KCTD14: variants seen among roughly 807,000 people sequenced by gnomAD.
The protein encoded by KCTD14 is BTB/POZ domain-containing protein KCTD14.
Under a neutral mutation model 5.9 loss-of-function variants are expected in KCTD14, and 7 were observed. The ratio of observed to expected loss-of-function variants is 1.19; its 90% CI spans 0.68 to 2.23. KCTD14 has a LOEUF of 2.23. Among genes scored for constraint, KCTD14 ranks in the 30% most tolerant of loss-of-function variants. The probability of loss-of-function intolerance (pLI) is 0.00; values close to 1 mark genes in which losing one functional copy is unlikely to be tolerated. For missense variants in KCTD14, 342 were observed against 332.2 expected (o/e 1.03, Z -0.23); for synonymous variants, 140 against 133.1 (o/e 1.05, Z -0.36).
intron 1 of KCTD14, among the ~76,000 whole-genome samples, chr11:78,019,063 G>A (rs1453955343): frequency 1.4e-5 from 2 of 144,858 alleles, no homozygotes; most frequent in African/African-American, 5.2e-5. Context: ...TCGCTCAGTC[G>A]CCCAGGCTAG....
intron 2 of KCTD14, among the ~76,000 whole-genome samples, chr11:78,034,457 T>C (rs966224006): frequency 1.3e-5 from 2 of 148,826 alleles, no homozygotes; most frequent in African/African-American, 2.5e-5. Flanking sequence ...GTCTTAATCT[T>C]TCTCTCTCTC....
At chr11:78,037,631 C>T (rs1387227550) in intron 2 of KCTD14, among the ~76,000 whole-genome samples, 1 of 152,120 alleles carries the variant, frequency 6.6e-6, no homozygotes, top group African/African-American at 2.4e-5. Context: ...CCAGCCTGGC[C>T]AAAATGGTGA....
intron 1 of KCTD14, among the ~76,000 whole-genome samples, chr11:78,039,579 G>T (rs796392657): frequency 2.6e-5 from 4 of 151,776 alleles, no homozygotes; most frequent in African/African-American, 9.7e-5. Flanking sequence ...TGAGCCTGGG[G>T]CAACATGGTG....
chr11:78,043,622 G>C (rs1214374331), intron 1 of KCTD14, among the ~76,000 whole-genome samples: 1 of 152,202 alleles, frequency 6.6e-6, no homozygotes, highest in African/African-American at 2.4e-5. Context: ...AGCTCGTGGG[G>C]TGTCAGGGAA....
intron 1 of KCTD14, among the ~76,000 whole-genome samples, chr11:78,017,704 C>T (rs1157042364): frequency 6.6e-6 from 1 of 152,108 alleles, no homozygotes; most frequent in East Asian, 1.9e-4. Flanking sequence ...CTCAGCCTCC[C>T]ACAGTGCCCG....
Position 78,017,016 on chromosome 11 carries a change from G to C in KCTD14, c.345C>G (p.Ile115Met). The change falls in exon 2 of 2, where the codon ATC (isoleucine) becomes ATG (methionine). Residue 115 changes from isoleucine (I) to methionine (M), a missense_variant. Coordinates refer to ENST00000353172, the MANE Select transcript of KCTD14 (RefSeq NM_023930.4). ...CCTCCAGCAGCTTGACCAAAGGCTT[G>C]ATTTCGTAGAACTGAGCCTCACGGT... ...EVYREAQFYE[I>M]KPLVKLLEDM... The C allele has an allele frequency of 6.2e-7, 1 of 1,614,210 alleles. No individual in the cohort carries two copies. Among genetic ancestry groups the C allele is most frequent in the Non-Finnish European group, 8.5e-7 (1 of 1,180,048 alleles).
At chr11:78,039,002 G>A (rs992262957) in intron 1 of KCTD14, among the ~76,000 whole-genome samples, 3 of 151,774 alleles carry the variant, frequency 2.0e-5, no homozygotes, top group Non-Finnish European at 4.4e-5. Context: ...TAAAACTCAT[G>A]GGAATTTCCC....
rs141374262 is a variant in KCTD14 at position 78,016,668 on chromosome 11, C to T, written c.693G>A (p.Lys231=). The part of the protein sequence containing the change: ...IKAQGYKVFS[K]FYLTYPTKRN... ...TTTTGGTGGGGTACGTCAGGTAGAA[C>T]TTGGAGAATACCTTGTACCCCTGGG... The change falls in exon 2 of 2, where the codon AAG becomes AAA. Residue 231 remains lysine (K), a synonymous_variant. Transcript: ENST00000353172. 4 of 1,614,204 alleles carry T rather than the reference C, an allele frequency of 2.5e-6. No homozygotes were observed. Among genetic ancestry groups the T allele is most frequent in the Non-Finnish European group, 3.4e-6 (4 of 1,180,040 alleles).
At chr11:78,022,058 C>G (rs1297240744) in intron 1 of KCTD14, among the ~76,000 whole-genome samples, 2 of 152,204 alleles carry the variant, frequency 1.3e-5, no homozygotes, top group Non-Finnish European at 2.9e-5. Flanking sequence ...TCCTACACTA[C>G]TATACTTCCA....
intron 1 of KCTD14, among the ~76,000 whole-genome samples, chr11:78,017,813 G>A (rs1441082981): frequency 6.6e-6 from 1 of 152,074 alleles, no homozygotes; most frequent in Non-Finnish European, 1.5e-5. Flanking sequence ...GTTATGGGAG[G>A]AGGCCAGGCA....
At chr11:78,044,510 CA>C (rs1348489305) in intron 1 of KCTD14, among the ~76,000 whole-genome samples, 1 of 152,120 alleles carries the variant, frequency 6.6e-6, no homozygotes, top group African/African-American at 2.4e-5. Flanking sequence ...ACTGCACAGA[CA>C]AAACCAATTC....
At chr11:78,034,544 C>T (rs7482536) in intron 2 of KCTD14, among the ~76,000 whole-genome samples, 63,287 of 151,454 alleles carry the variant, frequency 0.42, 13,447 homozygotes, top group African/African-American at 0.52. Flanking sequence ...TTCTTTCTTT[C>T]TTTCAAGTCA....
upstream of KCTD14, among the ~76,000 whole-genome samples, chr11:78,026,377 A>G (rs941227951): frequency 1.3e-5 from 2 of 152,026 alleles, no homozygotes; most frequent in Non-Finnish European, 2.9e-5. Flanking sequence ...CGGGAGGCAG[A>G]GGTTGCAGCG....
intron 1 of KCTD14, among the ~76,000 whole-genome samples, chr11:78,039,801 C>G (rs1224185470): frequency 6.6e-6 from 1 of 151,944 alleles, no homozygotes; most frequent in Non-Finnish European, 1.5e-5. Context: ...ACGATTTCCC[C>G]CATATGAAGG....
At chr11:78,035,716 G>A (rs951874434) in intron 2 of KCTD14, among the ~76,000 whole-genome samples, 13 of 151,796 alleles carry the variant, frequency 8.6e-5, no homozygotes, top group Admixed American at 3.9e-4. Context: ...ATTGTGTTGC[G>A]CACCTGTAAT....
At chr11:78,032,703 CTTTT>C (rs35820886) in intron 2 of KCTD14, among the ~76,000 whole-genome samples, 2 of 123,548 alleles carry the variant, frequency 1.6e-5, no homozygotes. Flanking sequence ...TGATCTACTT[CTTTT>C]TTTTTTTTTT....
intron 2 of KCTD14, among the ~76,000 whole-genome samples, chr11:78,037,758 G>A (rs934545700): frequency 1.3e-5 from 2 of 152,088 alleles, no homozygotes; most frequent in Non-Finnish European, 2.9e-5. Flanking sequence ...GGCAGAGGTT[G>A]CAGTGAGCCA....
intron 1 of KCTD14, among the ~76,000 whole-genome samples, chr11:78,042,151 G>A (rs1425360424): frequency 6.6e-6 from 1 of 152,230 alleles, no homozygotes; most frequent in African/African-American, 2.4e-5. Flanking sequence ...GTCACAGGCT[G>A]ACTGTCTTTG....
At chr11:78,036,165 A>C (rs946967561) in intron 2 of KCTD14, among the ~76,000 whole-genome samples, 1 of 151,014 alleles carries the variant, frequency 6.6e-6, no homozygotes, top group Non-Finnish European at 1.5e-5. Context: ...TCAAAAAAAA[A>C]ACAAAAGAGT....
Sources: allele counts gnomAD v4.1 joint callset (sites outside exome capture counted in the v4.1 genomes callset), GRCh38; gene constraint gnomAD v4.1.1; transcripts MANE v1.5; gene names NCBI Gene and HGNC (gene_info 2026-07-23, HGNC 2026-07-21).